The following DPYD variants were observed in gnomAD, a reference collection of about 807,000 sequenced individuals.
The protein encoded by DPYD is dihydropyrimidine dehydrogenase.
In DPYD, 109 loss-of-function variants were observed where a neutral mutation model predicts 116.2. The observed-to-expected ratio is 0.94, with a 90% confidence interval of 0.80 to 1.10. The LOEUF (loss-of-function observed/expected upper bound fraction) is 1.10. Ranked by LOEUF, DPYD falls within the 50% of genes least tolerant of loss-of-function variation. The pLI is 0.00. For missense variants in DPYD, 1,302 were observed against 1,254.5 expected (o/e 1.04, Z -0.57); for synonymous variants, 440 against 432.0 (o/e 1.02, Z -0.23).
intron 21 of DPYD, among the ~76,000 whole-genome samples, chr1:97,092,735 C>A (rs553609555): frequency 1.3e-5 from 2 of 152,004 alleles, no homozygotes; most frequent in Non-Finnish European, 2.9e-5. Context: ...ATGCTACACC[C>A]CAAACTCCCC....
At chr1:97,247,750 T>C (rs1260154183) in intron 18 of DPYD, among the ~76,000 whole-genome samples, 1 of 152,116 alleles carries the variant, frequency 6.6e-6, no homozygotes, top group Non-Finnish European at 1.5e-5. Flanking sequence ...AACTCAACAG[T>C]TGAAGTGAAA....
At chr1:97,297,828 G>A (rs77561994) in intron 18 of DPYD, among the ~76,000 whole-genome samples, 3,855 of 152,216 alleles carry the variant, frequency 0.025, 453 homozygotes, top group Admixed American at 0.21. Flanking sequence ...TTTCACAATC[G>A]AGAACGTAAT....
chr1:97,121,723 CCCAA>C (rs1652443896), intron 20 of DPYD, among the ~76,000 whole-genome samples: 1 of 152,086 alleles, frequency 6.6e-6, no homozygotes, highest in Non-Finnish European at 1.5e-5. Context: ...AAGGAATTAG[CCCAA>C]AGGTGGGCTT....
chr1:97,643,947 A>C (rs753596369), intron 8 of DPYD, among the ~76,000 whole-genome samples: 1 of 151,904 alleles, frequency 6.6e-6, no homozygotes, highest in Non-Finnish European at 1.5e-5. Flanking sequence ...TTGGGGGGCT[A>C]GGGGAGGGAT....
At chr1:97,195,014 T>A (rs761252864) in intron 19 of DPYD, among the ~76,000 whole-genome samples, 4 of 152,192 alleles carry the variant, frequency 2.6e-5, no homozygotes, top group Non-Finnish European at 5.9e-5. Context: ...TCTAGGTTGC[T>A]TATTTCCAAA....
At chr1:97,720,014 T>C in intron 5 of DPYD, 1 of 985,016 alleles carries the variant, frequency 1.0e-6, no homozygotes, top group African/African-American at 1.7e-5. Context: ...GTCTCTGTCT[T>C]AAATAGACTC....
At chr1:97,189,945 T>C (rs1393180894) in intron 20 of DPYD, among the ~76,000 whole-genome samples, 1 of 152,112 alleles carries the variant, frequency 6.6e-6, no homozygotes, top group African/African-American at 2.4e-5. Flanking sequence ...TGTAAAACCA[T>C]TTGGTTTCAG....
chr1:97,672,149 C>T (rs952411130), intron 8 of DPYD, among the ~76,000 whole-genome samples: 6 of 151,918 alleles, frequency 3.9e-5, no homozygotes, highest in African/African-American at 9.7e-5. Context: ...GTCTATCTTA[C>T]GACCTGGGCT....
chr1:97,547,512 T>G (rs1311490324), intron 12 of DPYD, among the ~76,000 whole-genome samples: 1 of 151,764 alleles, frequency 6.6e-6, no homozygotes, highest in Non-Finnish European at 1.5e-5. Context: ...TTGTGTTCTT[T>G]TTCTTTCTTT....
chr1:97,500,352 T>G, intron 13 of DPYD, among the ~76,000 whole-genome samples: 4 of 152,136 alleles, frequency 2.6e-5, no homozygotes, highest in Admixed American at 2.6e-4. Context: ...CAAATACAAT[T>G]TTTACTCAGT....
At chr1:97,700,635 A>G (rs1013060834) in intron 5 of DPYD, among the ~76,000 whole-genome samples, 1 of 152,036 alleles carries the variant, frequency 6.6e-6, no homozygotes, top group Non-Finnish European at 1.5e-5. Context: ...AGTTTCTACA[A>G]ATTTTTTATA....
Position 97,606,018 on chromosome 1 carries a change from C to A in DPYD, c.851-10852G>T, listed in dbSNP as rs185623023. ...TGGTGATTAAGCATACAAAACTTGG[C>A]AGTTTCATTGTATAATCATTATATA... On this transcript the variant is annotated intron_variant, in intron 8 of 22. Transcript: ENST00000370192. Among the ~76,000 whole-genome samples the A allele has an allele frequency of 3.6e-4, 55 of 152,064 alleles. No individual in the cohort carries two copies. In the East Asian group the frequency reaches 0.011, roughly 29 times the overall value.
intron 10 of DPYD, among the ~76,000 whole-genome samples, chr1:97,588,318 T>C (rs76997178): frequency 7.9e-5 from 12 of 152,204 alleles, no homozygotes; most frequent in East Asian, 1.9e-4. Context: ...TATTGGAAAA[T>C]TGAATATGTA....
intron 4 of DPYD, among the ~76,000 whole-genome samples, chr1:97,724,864 G>C (rs1315400866): frequency 6.7e-6 from 1 of 148,524 alleles, no homozygotes; most frequent in African/African-American, 2.5e-5. Context: ...TAGATAATTA[G>C]GCATAAAAGG....
chr1:97,526,859 A>G (rs1013553097), intron 12 of DPYD, among the ~76,000 whole-genome samples: 1 of 152,214 alleles, frequency 6.6e-6, no homozygotes, highest in Non-Finnish European at 1.5e-5. Context: ...CTTAAAATCA[A>G]CAAGACAGTT....
chr1:97,485,105 T>A lies in DPYD; in HGVS notation c.1740+30621A>T, dbSNP rs1445829844. 3.3e-5 allele frequency among the ~76,000 whole-genome samples: 5 copies of A among 152,232 alleles called. 1 individual carries two copies. In the East Asian group the frequency reaches 9.6e-4, roughly 29 times the overall value. ...TCATTGAGCTTCCTCAATGTATACA[T>A]TAGGTCTTTCAACATTTCTGGACAG... On this transcript the variant is annotated intron_variant, in intron 13 of 22. Transcript: ENST00000370192.
intron 2 of DPYD, among the ~76,000 whole-genome samples, chr1:97,848,017 A>G (rs1670389043): frequency 6.6e-6 from 1 of 152,240 alleles, no homozygotes. Flanking sequence ...TAGGAAACTA[A>G]GGTGAAAATA....
At chr1:97,219,874 A>T (rs550020488) in intron 19 of DPYD, among the ~76,000 whole-genome samples, 16 of 152,272 alleles carry the variant, frequency 1.1e-4, no homozygotes, top group African/African-American at 3.9e-4. Flanking sequence ...CACAAGATTC[A>T]TCTCTGCCTA....
At chr1:97,549,828 T>C (rs889610746) in intron 11 of DPYD, 84 bp from the exon 12 acceptor site, 21 of 1,243,494 alleles carry the variant, frequency 1.7e-5, no homozygotes, top group Non-Finnish European at 2.4e-5. Flanking sequence ...AGAAAAATTA[T>C]GGTTTAATTA....
Sources: allele counts gnomAD v4.1 joint callset (sites outside exome capture counted in the v4.1 genomes callset), GRCh38; gene constraint gnomAD v4.1.1; transcripts MANE v1.5; gene names NCBI Gene and HGNC (gene_info 2026-07-23, HGNC 2026-07-21).